ANKH: variants seen among roughly 807,000 people sequenced by gnomAD.
ANKH encodes ANKH inorganic pyrophosphate transport regulator.
Under a neutral mutation model 49.0 loss-of-function variants are expected in ANKH, and 15 were observed. The ratio of observed to expected loss-of-function variants is 0.31; its 90% CI spans 0.20 to 0.47. ANKH has a LOEUF of 0.47. Among genes scored for constraint, ANKH ranks in the 20% least tolerant of loss-of-function variants. The pLI, the probability that ANKH is intolerant of heterozygous loss-of-function variation, is 1.00. For missense variants in ANKH, 429 were observed against 652.0 expected (o/e 0.66, Z 3.72); for synonymous variants, 273 against 260.0 (o/e 1.05, Z -0.48).
chr5:14,786,232 TA>T (rs1430577222), intron 1 of ANKH, among the ~76,000 whole-genome samples: 1 of 152,106 alleles, frequency 6.6e-6, no homozygotes, highest in Non-Finnish European at 1.5e-5. Flanking sequence ...ATTAAAGAAG[TA>T]GTTCCTAAAT....
At chr5:14,771,273 A>G (rs1016263219) in intron 1 of ANKH, among the ~76,000 whole-genome samples, 2 of 152,234 alleles carry the variant, frequency 1.3e-5, no homozygotes, top group African/African-American at 4.8e-5. Flanking sequence ...ATCTGATACT[A>G]TAGACTGTAA....
Position 14,753,220 on chromosome 5 carries a change from G to A in ANKH, c.517-1981C>T, listed in dbSNP as rs74376843. On this transcript the variant is annotated intron_variant, in intron 4 of 11. Transcript: ENST00000284268. Reference sequence around the variant, plus strand: ...TTGCTGCAGTTGACTCTGTGAGGTGGGAAATGAGGTCTTATGTTGGAAGGT... The same window carrying A: ...TTGCTGCAGTTGACTCTGTGAGGTGAGAAATGAGGTCTTATGTTGGAAGGT... 1.9e-3 allele frequency among the ~76,000 whole-genome samples: 285 copies of A among 152,276 alleles called. 3 individuals carry two copies. The highest frequency in any genetic ancestry group is 3.5e-3 in the Non-Finnish European group (241 of 68,010).
chr5:14,723,668 A>T (rs149902189), intron 8 of ANKH, among the ~76,000 whole-genome samples: 20 of 152,334 alleles, frequency 1.3e-4, no homozygotes, highest in African/African-American at 4.8e-4. Context: ...AGGAAGAAGA[A>T]GATGACGATT....
At chr5:14,764,012 T>G (rs975440265) in intron 2 of ANKH, among the ~76,000 whole-genome samples, 2 of 151,900 alleles carry the variant, frequency 1.3e-5, no homozygotes, top group Non-Finnish European at 2.9e-5. Context: ...TGCCTGAGCC[T>G]GGGAGGCGGA....
intron 2 of ANKH, among the ~76,000 whole-genome samples, chr5:14,763,426 C>T (rs1739151575): frequency 6.6e-6 from 1 of 152,214 alleles, no homozygotes; most frequent in South Asian, 2.1e-4. Context: ...GTACTGCACA[C>T]TCTAACACAG....
intron 1 of ANKH, among the ~76,000 whole-genome samples, chr5:14,859,770 A>G (rs960845995): frequency 9.2e-5 from 14 of 152,242 alleles, no homozygotes; most frequent in African/African-American, 3.4e-4. Context: ...TCATTTGACA[A>G]AACTCACAGA....
At chr5:14,799,765 C>G (rs1180484394) in intron 1 of ANKH, among the ~76,000 whole-genome samples, 1 of 152,180 alleles carries the variant, frequency 6.6e-6, no homozygotes, top group Non-Finnish European at 1.5e-5. Flanking sequence ...CCGAAGAGCT[C>G]TGATGGAGAG....
At chr5:14,771,330 G>T (rs1739422687) in intron 1 of ANKH, among the ~76,000 whole-genome samples, 1 of 152,200 alleles carries the variant, frequency 6.6e-6, no homozygotes, top group South Asian at 2.1e-4. Flanking sequence ...CATACCCTGA[G>T]AATGACCCTG....
Position 14,725,931 on chromosome 5 carries a change from AGAT to A in ANKH, c.1012-9099_1012-9097del. Among the ~76,000 whole-genome samples the A allele has an allele frequency of 6.6e-6, 1 of 152,306 alleles. No homozygotes were observed. The highest frequency in any genetic ancestry group is 1.9e-4 in the East Asian group (1 of 5,182). On this transcript the variant is annotated intron_variant, in intron 8 of 11. Coordinates refer to ENST00000284268, the MANE Select transcript of ANKH (RefSeq NM_054027.6). This position sits in a 1 kb window ranked among gnomAD's most constrained non-coding sequence, Gnocchi z 4.0. ...CAGCTAATTTTTGTATTTTTAGTAG[AGAT>A]GGGGTTTCACCATGCAGAAAAACAT...
At chr5:14,732,742 G>T (rs1738044472) in intron 8 of ANKH, among the ~76,000 whole-genome samples, 1 of 152,180 alleles carries the variant, frequency 6.6e-6, no homozygotes, top group South Asian at 2.1e-4. Context: ...GGAAACTGAA[G>T]ATGGCAGTTT....
At chr5:14,790,634 G>A (rs1487578414) in intron 1 of ANKH, among the ~76,000 whole-genome samples, 1 of 152,194 alleles carries the variant, frequency 6.6e-6, no homozygotes, top group Admixed American at 6.5e-5. Context: ...TCATCCCTGA[G>A]TCTCACTCTG....
intron 1 of ANKH, among the ~76,000 whole-genome samples, chr5:14,790,372 C>T (rs1740124282): frequency 6.6e-6 from 1 of 152,192 alleles, no homozygotes; most frequent in Admixed American, 6.5e-5. Flanking sequence ...AAGAGAAAAA[C>T]ACAGATCAGG....
chr5:14,823,644 T>C (rs1322561785), intron 1 of ANKH, among the ~76,000 whole-genome samples: 4 of 152,206 alleles, frequency 2.6e-5, no homozygotes, highest in African/African-American at 9.6e-5. Context: ...AATCTTTCTT[T>C]GGCAGGGCGC....
At position 14,824,886 on chromosome 5, in the gene ANKH, T is replaced by C. The variant is rs950312299; in HGVS notation, c.96+46466A>G. On this transcript the variant is annotated intron_variant, in intron 1 of 11. Coordinates refer to ENST00000284268, the MANE Select transcript of ANKH (RefSeq NM_054027.6). ...CTTTCTCAACTCAGTGAAAATAACT[T>C]TGAAGAACAAATGTGATAAAGAATA... is the stretch of plus-strand genomic sequence containing the variant. 2.0e-5 allele frequency among the ~76,000 whole-genome samples: 3 copies of C among 152,240 alleles called. 1 individual carries two copies. The highest frequency in any genetic ancestry group is 1.3e-4 in the Admixed American group (2 of 15,300).
chr5:14,867,877 T>A (rs1456190517), intron 1 of ANKH, among the ~76,000 whole-genome samples: 1 of 152,206 alleles, frequency 6.6e-6, no homozygotes, highest in Non-Finnish European at 1.5e-5. Flanking sequence ...ATCATTTTAT[T>A]CCATAGAGCT....
At chr5:14,777,561 G>A (rs1739666866) in intron 1 of ANKH, among the ~76,000 whole-genome samples, 1 of 152,230 alleles carries the variant, frequency 6.6e-6, no homozygotes, top group Admixed American at 6.5e-5. Flanking sequence ...CGCCAACATT[G>A]TAAACTTCAG....
At chr5:14,861,482 T>C (rs1376208928) in intron 1 of ANKH, among the ~76,000 whole-genome samples, 1 of 152,220 alleles carries the variant, frequency 6.6e-6, no homozygotes, top group East Asian at 1.9e-4. Context: ...CTCTGCTCTG[T>C]TTTTGGATTT....
intron 11 of ANKH, among the ~76,000 whole-genome samples, chr5:14,712,544 C>T (rs546769035): frequency 2.0e-4 from 30 of 152,366 alleles, no homozygotes; most frequent in Non-Finnish European, 3.5e-4. Context: ...TCGGCAGCAT[C>T]GCATGTCTGC....
intron 1 of ANKH, among the ~76,000 whole-genome samples, chr5:14,858,750 TAAATAAATA>T (rs201038181): frequency 0.18 from 18,188 of 102,624 alleles, 1,187 homozygotes; most frequent in East Asian, 0.27. Context: ...AATAAATAAA[TAAATAAATA>T]AAATAAAATA....
Sources: allele counts gnomAD v4.1 joint callset (sites outside exome capture counted in the v4.1 genomes callset), GRCh38; gene constraint gnomAD v4.1.1; non-coding constraint Gnocchi (gnomAD v3.1); transcripts MANE v1.5; gene names NCBI Gene and HGNC (gene_info 2026-07-23, HGNC 2026-07-21).